VPS13B: variants seen among roughly 807,000 people sequenced by gnomAD.
VPS13B encodes the protein vacuolar protein sorting 13 homolog B.
A neutral mutation model predicts 426.4 loss-of-function variants in VPS13B; 285 were observed. That is an observed-to-expected ratio of 0.67 (90% confidence interval 0.61 to 0.74). The LOEUF (loss-of-function observed/expected upper bound fraction) is 0.74. VPS13B is among the 30% of genes least tolerant of loss of function. The probability of loss-of-function intolerance (pLI) is 0.00; values close to 1 mark genes in which losing one functional copy is unlikely to be tolerated. For missense variants in VPS13B, 4,537 were observed against 4,782.6 expected, an observed-to-expected ratio of 0.95 and a Z score of 1.51; for synonymous variants, 1,676 against 1,676.4, an observed-to-expected ratio of 1.00 and a Z score of 0.01.
rs1810831936 is a variant in VPS13B at position 99,147,958 on chromosome 8, T to C, written c.1961T>C (p.Met654Thr). ...TLLKCTCTISMAEFNLLDHLL... is the reference protein window; with the variant it reads ...TLLKCTCTISTAEFNLLDHLL... ...CTCAAATGTACCTGCACAATTTCCA[T>C]GGCTGAATTCAACTTGCTGGACCAT... Residue 654 changes from methionine to threonine, a missense_variant, in exon 14 of 62, where the codon ATG (methionine) becomes ACG (threonine). This residue lies in a region of VPS13B where 4,311 missense variants were observed against 4,474.3 expected (regional missense o/e 0.96). Transcript: ENST00000357162. The C allele has an allele frequency of 6.2e-7, 1 of 1,613,858 alleles. No individual in the cohort carries two copies. Among genetic ancestry groups the C allele is most frequent in the Non-Finnish European group, 8.5e-7 (1 of 1,179,878 alleles).
intron 19 of VPS13B, among the ~76,000 whole-genome samples, chr8:99,307,364 CTT>C (rs149565931): frequency 0.031 from 4,762 of 152,066 alleles, 112 homozygotes; most frequent in South Asian, 0.075. Flanking sequence ...GGCTTTACAA[CTT>C]GTACAGTTAT....
At chr8:99,556,674 T>A (rs765514180) in intron 31 of VPS13B, 21 bp downstream of exon 31, 2 of 1,607,030 alleles carry the variant, frequency 1.2e-6, no homozygotes, top group East Asian at 4.5e-5. Context: ...ATTGAGAAAC[T>A]TTCTACTCTT....
rs183335126 is a variant in VPS13B at position 99,051,290 on chromosome 8, G to C, written c.291+12724G>C. Among the ~76,000 whole-genome samples the C allele has an allele frequency of 3.0e-3, 454 of 152,126 alleles. 2 individuals are homozygous for C. The highest frequency in any genetic ancestry group is 9.5e-3 in the African/African-American group (392 of 41,466). On this transcript the variant is annotated intron_variant, in intron 3 of 61. Transcript: ENST00000357162. ...AGCACCATTTATTAAATAGGGAATC[G>C]TTTCCCCATTTCTGGTTTTTGTCAG...
chr8:99,107,903 T>C (rs747790278), intron 5 of VPS13B, among the ~76,000 whole-genome samples: 3 of 152,190 alleles, frequency 2.0e-5, no homozygotes, highest in Non-Finnish European at 2.9e-5. Flanking sequence ...CTTGGGTAAA[T>C]TGCATGTTGC....
intron 58 of VPS13B, among the ~76,000 whole-genome samples, chr8:99,867,841 A>G (rs1371793913): frequency 6.6e-6 from 1 of 152,210 alleles, no homozygotes; most frequent in Non-Finnish European, 1.5e-5. Context: ...TGTTATCATT[A>G]TTATCAAAAG....
chr8:99,626,131 C>A (rs983323396), intron 33 of VPS13B, among the ~76,000 whole-genome samples: 1 of 152,144 alleles, frequency 6.6e-6, no homozygotes, highest in African/African-American at 2.4e-5. Context: ...ATATGTCCAA[C>A]ACAATAACTT....
At chr8:99,583,567 G>T (rs1282624365) in intron 33 of VPS13B, among the ~76,000 whole-genome samples, 20 of 152,146 alleles carry the variant, frequency 1.3e-4, no homozygotes. Flanking sequence ...TTTTGTAGTT[G>T]TGCTTCATTT....
At chr8:99,405,331 T>C (rs545059617) in intron 21 of VPS13B, among the ~76,000 whole-genome samples, 2 of 152,182 alleles carry the variant, frequency 1.3e-5, no homozygotes, top group Non-Finnish European at 2.9e-5. Context: ...TCATTCACCA[T>C]GATGCTCAAG....
chr8:99,827,542 A>ATTT (rs142426991), intron 51 of VPS13B, among the ~76,000 whole-genome samples: 1 of 137,044 alleles, frequency 7.3e-6, no homozygotes, highest in Admixed American at 7.3e-5. Context: ...GGTTTCGTTG[A>ATTT]TTTTTTTTTT....
chr8:99,607,919 A>C (rs1256258759), intron 33 of VPS13B, among the ~76,000 whole-genome samples: 2 of 152,096 alleles, frequency 1.3e-5, no homozygotes, highest in Non-Finnish European at 2.9e-5. Flanking sequence ...GCATTTTCTC[A>C]AATTTGTGTG....
At chr8:99,070,450 A>G (rs1844796032) in intron 3 of VPS13B, among the ~76,000 whole-genome samples, 2 of 152,228 alleles carry the variant, frequency 1.3e-5, no homozygotes, top group Admixed American at 1.3e-4. Context: ...TTCCAATTTC[A>G]TACTTATTGA....
intron 34 of VPS13B, among the ~76,000 whole-genome samples, chr8:99,655,126 A>G (rs945806405): frequency 6.6e-6 from 1 of 152,216 alleles, no homozygotes; most frequent in Non-Finnish European, 1.5e-5. Flanking sequence ...CCTTTGGAAA[A>G]GGAATCAGCA....
intron 54 of VPS13B, among the ~76,000 whole-genome samples, chr8:99,847,729 C>T (rs1411473708): frequency 6.6e-6 from 1 of 152,120 alleles, no homozygotes; most frequent in Admixed American, 6.5e-5. Context: ...ATGAGAAAGC[C>T]ATTGCATGAG....
intron 3 of VPS13B, 52 bp from the exon 4 acceptor site, chr8:99,096,260 A>T: frequency 1.2e-6 from 2 of 1,606,568 alleles, no homozygotes; most frequent in Non-Finnish European, 1.7e-6. Flanking sequence ...TTTTTTCTTA[A>T]TTCTTGAGTA....
intron 19 of VPS13B, among the ~76,000 whole-genome samples, chr8:99,325,004 A>G (rs1030230795): frequency 6.6e-6 from 1 of 152,152 alleles, no homozygotes; most frequent in Non-Finnish European, 1.5e-5. Flanking sequence ...ATTTTCATTG[A>G]GATTCTGAAC....
chr8:99,720,643 CT>C, intron 38 of VPS13B, 91 bp downstream of exon 38: 4 of 1,404,534 alleles, frequency 2.8e-6, no homozygotes, highest in Middle Eastern at 1.8e-4. Context: ...ATCAAGATGG[CT>C]TTTTAAAGTG....
intron 3 of VPS13B, among the ~76,000 whole-genome samples, chr8:99,041,688 C>A (rs918294425): frequency 3.9e-5 from 6 of 152,040 alleles, no homozygotes; most frequent in Non-Finnish European, 8.8e-5. Flanking sequence ...CCCGTCCTTA[C>A]TAAAAATACA....
chr8:99,832,412 G>GT lies in VPS13B; in HGVS notation c.9375dup (p.Gly3126TrpfsTer19). On this transcript the variant is annotated frameshift_variant, in exon 52 of 62. Transcript: ENST00000357162. LOFTEE classifies it high-confidence loss of function. ...AGTGCTACTTTTAGCATTTGCCCAG[G>GT]TGGAGAGCAGCCTGCTATGAAATCC... 1 of 1,547,440 alleles carries GT rather than the reference G, an allele frequency of 6.5e-7. No homozygotes were observed.
chr8:99,444,344 G>A (rs192718652), intron 23 of VPS13B, among the ~76,000 whole-genome samples: 9 of 152,148 alleles, frequency 5.9e-5, no homozygotes, highest in East Asian at 5.8e-4. Flanking sequence ...TGATCCACCC[G>A]CCTTGGTCTC....
Sources: allele counts gnomAD v4.1 joint callset (sites outside exome capture counted in the v4.1 genomes callset), GRCh38; gene constraint gnomAD v4.1.1; regional missense constraint gnomAD v4.1.1; transcripts MANE v1.5; gene names NCBI Gene and HGNC (gene_info 2026-07-23, HGNC 2026-07-21).